Variants in SPATA6 observed in about 807,000 individuals in gnomAD.
SPATA6 encodes the protein spermatogenesis-associated protein 6.
SPATA6 carries 56 observed loss-of-function variants against 65.3 expected under a neutral mutation model. That is an observed-to-expected ratio of 0.86 (90% CI 0.69 to 1.07). The LOEUF is 1.07. SPATA6 is among the 50% of genes least tolerant of loss of function. SPATA6 has a pLI of 0.00. For synonymous variants in SPATA6, 199 were observed against 213.2 expected, an observed-to-expected ratio of 0.93 and a Z score of 0.58; for missense variants, 590 against 594.8, an observed-to-expected ratio of 0.99 and a Z score of 0.08.
At chr1:48,450,103 C>G (rs1656427130) in intron 3 of SPATA6, among the ~76,000 whole-genome samples, 1 of 150,942 alleles carries the variant, frequency 6.6e-6, no homozygotes, top group Non-Finnish European at 1.5e-5. Context: ...ACAAAAGAGC[C>G]CAAAGCACAT....
chr1:48,312,811 C>T (rs1019369657), intron 11 of SPATA6, among the ~76,000 whole-genome samples: 2 of 152,060 alleles, frequency 1.3e-5, no homozygotes, highest in South Asian at 2.1e-4. Context: ...AAAGATTAGA[C>T]GAATGGCTAA....
At chr1:48,337,747 A>C (rs1310315287) in intron 11 of SPATA6, among the ~76,000 whole-genome samples, 1 of 151,954 alleles carries the variant, frequency 6.6e-6, no homozygotes, top group South Asian at 2.1e-4. Flanking sequence ...TAGCATAAAA[A>C]TATCAAACAT....
intron 11 of SPATA6, 155 bp downstream of exon 11, chr1:48,355,515 T>A: frequency 1.8e-6 from 1 of 547,016 alleles, no homozygotes; most frequent in Admixed American, 3.4e-5. Context: ...CATTTAGATA[T>A]GTTGCCTTGG....
At position 48,359,686 on chromosome 1, in the gene SPATA6, G is replaced by A. The variant is rs762584721; in HGVS notation, c.994C>T (p.Pro332Ser). The A allele has an allele frequency of 2.5e-6, 4 of 1,613,690 alleles. No homozygotes were observed. The African/African-American group carries it at 4.0e-5, about 16-fold the overall frequency. ...AGCAAGGTCCTCGCTGAATGCCGGG[G>A]CTTACTACACGACCTTGGGCTCAAA... ...EYLSPRSCSK[P>S]RHSARTLLVH... Residue 332 changes from proline to serine, a missense_variant, in exon 10 of 13, where the codon CCC (proline) becomes TCC (serine). Pro to Ser is a moderately conservative substitution (Grantham distance 74, BLOSUM62 -1). Transcript: ENST00000371847.
chr1:48,403,830 A>T lies in SPATA6; in HGVS notation c.458T>A (p.Leu153Gln). The change falls in exon 6 of 13, where the codon CTG (leucine) becomes CAG (glutamine). Residue 153 changes from leucine (L) to glutamine (Q), a missense_variant. Coordinates refer to ENST00000371847, the MANE Select transcript of SPATA6 (RefSeq NM_019073.4). ...FSTTSVITEC[L>Q]ISSRKCHTQD... Reference sequence around the variant, plus strand: ...AGTGTGGCATTTCCTTGAACTTATCAGACATTCAGTAATCACTGAAGTCGT... The same window carrying T: ...AGTGTGGCATTTCCTTGAACTTATCTGACATTCAGTAATCACTGAAGTCGT... The T allele has an allele frequency of 6.2e-7, 1 of 1,609,862 alleles. No homozygotes were observed.
chr1:48,381,700 A>ATTTTTT (rs1648635795), intron 9 of SPATA6, among the ~76,000 whole-genome samples: 1 of 60,556 alleles, frequency 1.7e-5, no homozygotes, highest in African/African-American at 7.4e-5. Context: ...TTTTTTTTTA[A>ATTTTTT]TTAATTTATT....
chr1:48,303,712 A>G (rs1644993972), intron 12 of SPATA6, among the ~76,000 whole-genome samples: 1 of 152,202 alleles, frequency 6.6e-6, no homozygotes, highest in South Asian at 2.1e-4. Context: ...GAATAATGCT[A>G]CAATAAATAT....
At chr1:48,292,389 T>TG (rs1176315993), downstream of SPATA6, among the ~76,000 whole-genome samples, 1 of 152,200 alleles carries the variant, frequency 6.6e-6, no homozygotes, top group East Asian at 1.9e-4. Flanking sequence ...GTGAATGTTG[T>TG]GGGGGTTTTG....
intron 3 of SPATA6, among the ~76,000 whole-genome samples, chr1:48,427,454 A>T (rs959761409): frequency 6.6e-6 from 1 of 151,806 alleles, no homozygotes; most frequent in African/African-American, 2.4e-5. Context: ...AAAAAAAGAA[A>T]ATGAATACTA....
chr1:48,376,166 T>C (rs555689583), intron 9 of SPATA6, among the ~76,000 whole-genome samples: 13 of 152,300 alleles, frequency 8.5e-5, no homozygotes, highest in African/African-American at 2.6e-4. Context: ...TCTTGCCTGC[T>C]TTCCTTTCCA....
intron 3 of SPATA6, among the ~76,000 whole-genome samples, chr1:48,426,246 A>C (rs1358385640): frequency 6.6e-6 from 1 of 152,226 alleles, no homozygotes; most frequent in African/African-American, 2.4e-5. Flanking sequence ...CAATACACAC[A>C]TACTAGGAAG....
intron 8 of SPATA6, among the ~76,000 whole-genome samples, chr1:48,390,926 C>T (rs1408394296): frequency 6.6e-6 from 1 of 152,210 alleles, no homozygotes; most frequent in Middle Eastern, 3.4e-3. Flanking sequence ...ACATTTTACA[C>T]GAGGTCAACT....
chr1:48,426,921 A>C (rs1570539255), intron 3 of SPATA6, among the ~76,000 whole-genome samples: 1 of 151,802 alleles, frequency 6.6e-6, no homozygotes, highest in East Asian at 1.9e-4. Flanking sequence ...GAAAAAAGTC[A>C]GTTCAATCTT....
chr1:48,337,106 C>T (rs1404640109), intron 11 of SPATA6, among the ~76,000 whole-genome samples: 1 of 151,840 alleles, frequency 6.6e-6, no homozygotes, highest in Admixed American at 6.6e-5. Flanking sequence ...AGGAAACTTG[C>T]AGACCAATCA....
intron 11 of SPATA6, among the ~76,000 whole-genome samples, chr1:48,337,109 A>G (rs984793531): frequency 4.6e-5 from 7 of 152,062 alleles, no homozygotes; most frequent in Non-Finnish European, 7.4e-5. Context: ...AAACTTGCAG[A>G]CCAATCACTG....
intron 9 of SPATA6, among the ~76,000 whole-genome samples, chr1:48,381,407 A>G (rs1557642478): frequency 6.6e-6 from 1 of 152,322 alleles, no homozygotes; most frequent in East Asian, 1.9e-4. Context: ...CTTAGAATAA[A>G]TATTTATAAA....
At chr1:48,419,263 C>A (rs1456080427) in intron 3 of SPATA6, among the ~76,000 whole-genome samples, 1 of 152,144 alleles carries the variant, frequency 6.6e-6, no homozygotes, top group African/African-American at 2.4e-5. Context: ...TCAAAGATAA[C>A]AGTTCCTGAC....
intron 12 of SPATA6, among the ~76,000 whole-genome samples, chr1:48,299,853 T>A (rs1644893562): frequency 6.6e-6 from 1 of 152,132 alleles, no homozygotes; most frequent in Admixed American, 6.5e-5. Context: ...AAAGACAACG[T>A]GTGTGCTCTA....
chr1:48,267,695 T>C, the SPATA6 span, among the ~76,000 whole-genome samples: 1 of 151,174 alleles, frequency 6.6e-6, no homozygotes, highest in African/African-American at 2.4e-5. Flanking sequence ...TGTGTGTTCT[T>C]CTGCAGTGTG....
Sources: allele counts gnomAD v4.1 joint callset (sites outside exome capture counted in the v4.1 genomes callset), GRCh38; gene constraint gnomAD v4.1.1; transcripts MANE v1.5; gene names NCBI Gene and HGNC (gene_info 2026-07-23, HGNC 2026-07-21).